GPC6: variants seen among roughly 807,000 people sequenced by gnomAD.
GPC6 encodes glypican 6, also known as glypican-6.
GPC6 carries 14 observed loss-of-function variants against 55.2 expected under a neutral mutation model. The observed-to-expected ratio is 0.25, with a 90% CI of 0.17 to 0.40. The LOEUF (loss-of-function observed/expected upper bound fraction) is 0.40, where lower values mean the gene tolerates loss of function less well. Ranked by LOEUF, GPC6 falls within the 10% of genes least tolerant of loss-of-function variation. GPC6 has a pLI of 1.00. For missense variants in GPC6, 641 were observed against 708.5 expected (o/e 0.90, Z 1.08); for synonymous variants, 278 against 259.6 (o/e 1.07, Z -0.68).
At chr13:93,247,292 T>G (rs1876636953) in intron 1 of GPC6, among the ~76,000 whole-genome samples, 1 of 152,186 alleles carries the variant, frequency 6.6e-6, no homozygotes, top group African/African-American at 2.4e-5. Context: ...GCCTAACAAA[T>G]GTTTTTGCAG....
chr13:93,851,814 T>A (rs563071004), intron 3 of GPC6, among the ~76,000 whole-genome samples: 1 of 151,938 alleles, frequency 6.6e-6, no homozygotes, highest in Admixed American at 6.6e-5. Context: ...GATTATATCC[T>A]TCTGCCACTT....
At chr13:93,340,842 T>A (rs983998906) in intron 1 of GPC6, among the ~76,000 whole-genome samples, 3 of 152,170 alleles carry the variant, frequency 2.0e-5, no homozygotes, top group African/African-American at 4.8e-5. Flanking sequence ...ACTACATGGA[T>A]AAGTTCTTTA....
chr13:93,548,439 G>T (rs1420944034), intron 2 of GPC6, among the ~76,000 whole-genome samples: 1 of 152,166 alleles, frequency 6.6e-6, no homozygotes, highest in Non-Finnish European at 1.5e-5. Flanking sequence ...CACTGGTAAT[G>T]ATTAATCTCT....
In GPC6 at chr13:93,401,389, A is replaced by T. The variant is rs1432269487; in HGVS notation, c.161-143874A>T. ...CTGGGGTTGCTGTAAGCATGTTCTGAATTTATATGTTATCCAAAGTATAAT... is the reference window on the plus strand; with the variant it reads ...CTGGGGTTGCTGTAAGCATGTTCTGTATTTATATGTTATCCAAAGTATAAT... On this transcript the variant is annotated intron_variant, in intron 1 of 8. Coordinates refer to ENST00000377047, the MANE Select transcript of GPC6 (RefSeq NM_005708.5). 4.6e-5 allele frequency among the ~76,000 whole-genome samples: 7 copies of T among 152,006 alleles called. No homozygotes were observed. The East Asian group carries it at 7.7e-4, about 17-fold the overall frequency.
intron 1 of GPC6, among the ~76,000 whole-genome samples, chr13:93,329,987 C>T (rs1594100473): frequency 6.6e-6 from 1 of 152,076 alleles, no homozygotes; most frequent in African/African-American, 2.4e-5. Flanking sequence ...CACAGGTGGA[C>T]GTTTTACAAG....
At chr13:94,009,777 C>A (rs1473347924) in intron 3 of GPC6, among the ~76,000 whole-genome samples, 1 of 152,128 alleles carries the variant, frequency 6.6e-6, no homozygotes, top group Non-Finnish European at 1.5e-5. Context: ...CTCAGGAAGG[C>A]TCTCCTGAGA....
intron 2 of GPC6, among the ~76,000 whole-genome samples, chr13:93,820,592 T>G (rs1383031541): frequency 6.6e-6 from 1 of 151,870 alleles, no homozygotes; most frequent in African/African-American, 2.4e-5. Flanking sequence ...CTATTTTTAT[T>G]AATTGTCATG....
chr13:93,504,412 C>T (rs1307704390), intron 1 of GPC6, among the ~76,000 whole-genome samples: 1 of 151,808 alleles, frequency 6.6e-6, no homozygotes, highest in Non-Finnish European at 1.5e-5. Flanking sequence ...ACCCCTTCTC[C>T]CCACTTCTGT....
intron 1 of GPC6, among the ~76,000 whole-genome samples, chr13:93,365,163 A>G (rs962539120): frequency 4.6e-5 from 7 of 152,112 alleles, no homozygotes; most frequent in African/African-American, 1.7e-4. Flanking sequence ...GCGTTCCCAC[A>G]GTAAACTGCA....
At chr13:93,313,283 T>C (rs910211273) in intron 1 of GPC6, among the ~76,000 whole-genome samples, 43 of 97,572 alleles carry the variant, frequency 4.4e-4, no homozygotes, top group African/African-American at 2.0e-3. Flanking sequence ...ACTGTAGAAA[T>C]GAGGTAAATT....
rs146152537 is a variant in GPC6, at chr13:93,275,518, A to G, written c.160+47902A>G. Reference sequence around the variant, plus strand: ...TCTGGAGCTGCCATAGTAAAATTCCACAGGCTAGATGGCTTAGGGGACAGA... The same window carrying G: ...TCTGGAGCTGCCATAGTAAAATTCCGCAGGCTAGATGGCTTAGGGGACAGA... On this transcript the variant is annotated intron_variant, in intron 1 of 8. Transcript: ENST00000377047. Among the ~76,000 whole-genome samples, 941 of 152,344 alleles carry G rather than the reference A, an allele frequency of 6.2e-3. 12 individuals are homozygous for G. The highest frequency in any genetic ancestry group is 0.02 in the African/African-American group (816 of 41,586).
intron 1 of GPC6, among the ~76,000 whole-genome samples, chr13:93,240,002 T>C (rs2139013892): frequency 6.6e-6 from 1 of 152,272 alleles, no homozygotes; most frequent in Middle Eastern, 3.4e-3. Context: ...AGATGCCTGA[T>C]ATGATTTTTC....
rs549415935 is a variant in GPC6 at position 94,405,595 on chromosome 13, A to G, written c.*2378A>G. 6.6e-6 allele frequency: 1 copy of G among 152,306 alleles called. No individual in the cohort carries two copies. Among genetic ancestry groups the G allele is most frequent in the Admixed American group, 6.5e-5 (1 of 15,300 alleles). The allele number at this position is 152,306 out of a possible 1,614,324, so 9.4% of individuals were successfully genotyped here. On this transcript the variant is annotated 3_prime_UTR_variant, in exon 9 of 9. Transcript: ENST00000377047. ...CTTTCACCCCCAAAAGGTTTTGTGC[A>G]TGTGTATGAATACACATAATATTAG...
chr13:94,369,128 TA>T (rs1266803383), intron 6 of GPC6, among the ~76,000 whole-genome samples: 1 of 152,222 alleles, frequency 6.6e-6, no homozygotes, highest in Non-Finnish European at 1.5e-5. Flanking sequence ...ATATTCATCA[TA>T]TTTTTCTAAA....
chr13:93,666,830 C>T lies in GPC6; in HGVS notation c.319+121409C>T, dbSNP rs529418383. 2.6e-5 allele frequency among the ~76,000 whole-genome samples: 4 copies of T among 152,140 alleles called. No individual in the cohort carries two copies. The South Asian group carries it at 8.3e-4, about 32-fold the overall frequency. ...AAAGGAGCTGGTCCAACAGAAAGTGCCAGCACATTATGGTTTATGCTGTCT... is the reference window on the plus strand; with the variant it reads ...AAAGGAGCTGGTCCAACAGAAAGTGTCAGCACATTATGGTTTATGCTGTCT... On this transcript the variant is annotated intron_variant, in intron 2 of 8. Coordinates refer to ENST00000377047, the MANE Select transcript of GPC6 (RefSeq NM_005708.5).
At chr13:93,901,880 C>T (rs1415755016) in intron 3 of GPC6, among the ~76,000 whole-genome samples, 1 of 145,826 alleles carries the variant, frequency 6.9e-6, no homozygotes, top group African/African-American at 2.6e-5. Context: ...CATCCTGGGC[C>T]ACAGAGTGAG....
intron 2 of GPC6, among the ~76,000 whole-genome samples, chr13:93,720,803 C>T (rs548751914): frequency 2.2e-4 from 33 of 152,076 alleles, no homozygotes; most frequent in African/African-American, 5.8e-4. Flanking sequence ...TTATTTATTT[C>T]GGCCTTAATT....
chr13:93,625,850 G>A (rs1879178961), intron 2 of GPC6, among the ~76,000 whole-genome samples: 1 of 152,146 alleles, frequency 6.6e-6, no homozygotes, highest in South Asian at 2.1e-4. Flanking sequence ...TTAGAGCATG[G>A]GGTTCCCTGG....
intron 4 of GPC6, among the ~76,000 whole-genome samples, chr13:94,278,983 A>G (rs951373396): frequency 1.7e-4 from 26 of 152,014 alleles, no homozygotes; most frequent in Admixed American, 9.8e-4. Flanking sequence ...CTCCTTTTCA[A>G]TTGTTTGGGG....
Sources: gnomAD v4.1 joint callset for allele counts (sites outside exome capture counted in the v4.1 genomes callset) on GRCh38, gnomAD v4.1.1 for gene constraint, MANE v1.5 for transcripts, NCBI Gene and HGNC (gene_info 2026-07-23, HGNC 2026-07-21) for gene names.